The following B3GALT1 variants were observed in gnomAD, a reference collection of about 807,000 sequenced individuals.
B3GALT1 encodes beta-1,3-galactosyltransferase 1, also known as UDP-Gal:betaGlcNAc beta 1,3-galactosyltransferase, polypeptide 1.
Under a neutral mutation model 23.2 loss-of-function variants are expected in B3GALT1, and 10 were observed. The observed-to-expected ratio is 0.43, with a 90% CI of 0.27 to 0.73. The LOEUF (loss-of-function observed/expected upper bound fraction) is 0.73. Among genes scored for constraint, B3GALT1 ranks in the 30% least tolerant of loss-of-function variants. The probability of loss-of-function intolerance (pLI) is 0.21; values close to 1 mark genes in which losing one functional copy is unlikely to be tolerated. For synonymous variants in B3GALT1, 156 were observed against 141.5 expected (o/e 1.10, Z -0.73); for missense variants, 299 against 405.4 (o/e 0.74, Z 2.25).
intron 3 of B3GALT1, among the ~76,000 whole-genome samples, chr2:167,719,673 C>T (rs1687201746): frequency 6.6e-6 from 1 of 152,154 alleles, no homozygotes; most frequent in South Asian, 2.1e-4. Flanking sequence ...GTGGCTCACG[C>T]CTGTAATCCA....
chr2:167,629,305 C>T (rs1685399198), intron 2 of B3GALT1, among the ~76,000 whole-genome samples: 1 of 151,708 alleles, frequency 6.6e-6, no homozygotes, highest in Non-Finnish European at 1.5e-5. Flanking sequence ...CAGGGATGAA[C>T]TGGACATATT....
rs146792131 is a variant in B3GALT1 at position 167,605,217 on chromosome 2, A to G, written c.-409-41692A>G. On this transcript the variant is annotated intron_variant, in intron 2 of 4. Coordinates refer to ENST00000392690, the MANE Select transcript of B3GALT1 (RefSeq NM_020981.4). The stretch of plus-strand genomic sequence containing the variant: ...GCTTTTTTCCACATCACTGGGGAAA[A>G]ATAATTGCTTCATTTATTGAGCATT... Among the ~76,000 whole-genome samples the G allele has an allele frequency of 3.3e-3, 508 of 152,352 alleles. 2 individuals carry two copies. The highest frequency in any genetic ancestry group is 0.012 in the African/African-American group (481 of 41,578).
chr2:167,640,585 TGA>T (rs1276446997), intron 2 of B3GALT1, among the ~76,000 whole-genome samples: 1 of 152,028 alleles, frequency 6.6e-6, no homozygotes, highest in African/African-American at 2.4e-5. Context: ...CTGCATTAGC[TGA>T]GTAGATATTG....
chr2:167,595,077 G>A (rs1684753923), intron 2 of B3GALT1, among the ~76,000 whole-genome samples: 1 of 152,120 alleles, frequency 6.6e-6, no homozygotes, highest in Admixed American at 6.5e-5. Flanking sequence ...CACTTCTAGG[G>A]TGAACATTTG....
chr2:167,627,035 C>T (rs1052252267), intron 2 of B3GALT1, among the ~76,000 whole-genome samples: 1 of 151,590 alleles, frequency 6.6e-6, no homozygotes, highest in Admixed American at 6.6e-5. Context: ...AAGGCAAGGG[C>T]TAAGTGTATT....
chr2:167,821,403 G>A (rs1689103188), intron 4 of B3GALT1, among the ~76,000 whole-genome samples: 1 of 149,402 alleles, frequency 6.7e-6, no homozygotes, highest in Non-Finnish European at 1.5e-5. Context: ...AGCTGAGTCA[G>A]CCCTCATGAG....
chr2:167,595,703 C>T (rs1345131448), intron 2 of B3GALT1, among the ~76,000 whole-genome samples: 1 of 152,044 alleles, frequency 6.6e-6, no homozygotes, highest in African/African-American at 2.4e-5. Context: ...AATATTAATT[C>T]CACCAAAATG....
At chr2:167,322,486 C>A (rs985803536) in intron 1 of B3GALT1, among the ~76,000 whole-genome samples, 1 of 151,814 alleles carries the variant, frequency 6.6e-6, no homozygotes, top group Admixed American at 6.6e-5. Flanking sequence ...TTTTTCTGAT[C>A]GACTTCTGAA....
At chr2:167,595,101 T>C (rs1231135188) in intron 2 of B3GALT1, among the ~76,000 whole-genome samples, 1 of 152,030 alleles carries the variant, frequency 6.6e-6, no homozygotes. Flanking sequence ...GGAAAGCAAA[T>C]GTGGAGCTGG....
intron 2 of B3GALT1, among the ~76,000 whole-genome samples, chr2:167,496,457 A>G (rs1699784688): frequency 6.6e-6 from 1 of 152,226 alleles, no homozygotes. Flanking sequence ...TTGGCTAATT[A>G]CCGTGAGAAG....
chr2:167,355,868 T>C (rs1697392717), intron 1 of B3GALT1, among the ~76,000 whole-genome samples: 1 of 152,220 alleles, frequency 6.6e-6, no homozygotes, highest in South Asian at 2.1e-4. Context: ...CAGCTTTTCT[T>C]TCTTCAAAAA....
At chr2:167,477,179 C>T (rs950502299) in intron 1 of B3GALT1, among the ~76,000 whole-genome samples, 2 of 152,004 alleles carry the variant, frequency 1.3e-5, no homozygotes, top group Non-Finnish European at 2.9e-5. Context: ...AATCTTTGTG[C>T]GTGGGAAGGA....
intron 2 of B3GALT1, among the ~76,000 whole-genome samples, chr2:167,562,070 A>C (rs1482316138): frequency 6.6e-6 from 1 of 152,246 alleles, no homozygotes; most frequent in East Asian, 1.9e-4. Flanking sequence ...AAATACTGGC[A>C]AACCAATTCC....
At chr2:167,630,992 G>T (rs1685429988) in intron 2 of B3GALT1, among the ~76,000 whole-genome samples, 1 of 122,992 alleles carries the variant, frequency 8.1e-6, no homozygotes, top group South Asian at 2.9e-4. Flanking sequence ...TTTTTCAGAA[G>T]AGGAACTAGG....
At chr2:167,605,129 G>A (rs1684940731) in intron 2 of B3GALT1, among the ~76,000 whole-genome samples, 1 of 152,146 alleles carries the variant, frequency 6.6e-6, no homozygotes, top group African/African-American at 2.4e-5. Context: ...GCACTGGATG[G>A]CAGTGTGGGA....
intron 1 of B3GALT1, among the ~76,000 whole-genome samples, chr2:167,427,450 C>T (rs1299358036): frequency 6.6e-6 from 1 of 152,202 alleles, no homozygotes; most frequent in Non-Finnish European, 1.5e-5. Context: ...TGTCATCTTT[C>T]ATGACCATAG....
chr2:167,425,784 T>C (rs1378774141), intron 1 of B3GALT1, among the ~76,000 whole-genome samples: 2 of 152,224 alleles, frequency 1.3e-5, no homozygotes, highest in Non-Finnish European at 1.5e-5. Flanking sequence ...ACATGACTTA[T>C]ACACTAATTT....
At chr2:167,837,020 G>C (rs1689495515) in intron 4 of B3GALT1, among the ~76,000 whole-genome samples, 1 of 152,190 alleles carries the variant, frequency 6.6e-6, no homozygotes, top group South Asian at 2.1e-4. Flanking sequence ...AAGAGCTCCT[G>C]AAGGAAGAAC....
chr2:167,509,657 A>T (rs1358782255), intron 2 of B3GALT1, among the ~76,000 whole-genome samples: 3 of 152,160 alleles, frequency 2.0e-5, no homozygotes, highest in Non-Finnish European at 4.4e-5. Context: ...AGGTACAAAG[A>T]CCTTGACACG....
Sources: gnomAD v4.1 joint callset for allele counts (sites outside exome capture counted in the v4.1 genomes callset) on GRCh38, gnomAD v4.1.1 for gene constraint, MANE v1.5 for transcripts, NCBI Gene and HGNC (gene_info 2026-07-23, HGNC 2026-07-21) for gene names.